The following SORL1 variants were observed in gnomAD, a reference collection of about 807,000 sequenced individuals.
The protein encoded by SORL1 is sortilin-related receptor.
SORL1 carries 127 observed loss-of-function variants against 273.7 expected under a neutral mutation model. The ratio of observed to expected loss-of-function variants is 0.46; its 90% CI spans 0.40 to 0.54. The LOEUF is 0.54. Among genes scored for constraint, SORL1 ranks in the 20% least tolerant of loss-of-function variants. The pLI, the probability that SORL1 is intolerant of heterozygous loss-of-function variation, is 0.00. For missense variants in SORL1, 2,494 were observed against 2,846.1 expected (o/e 0.88, Z 2.81); for synonymous variants, 1,031 against 1,067.4 (o/e 0.97, Z 0.66).
intron 1 of SORL1, among the ~76,000 whole-genome samples, chr11:121,468,779 T>C (rs1005051735): frequency 6.6e-6 from 1 of 152,174 alleles, no homozygotes; most frequent in South Asian, 2.1e-4. Context: ...GTGGGTGGAA[T>C]GTATGGTTCA....
intron 14 of SORL1, among the ~76,000 whole-genome samples, chr11:121,546,316 C>G (rs1862425820): frequency 6.6e-6 from 1 of 150,474 alleles, no homozygotes; most frequent in African/African-American, 2.4e-5. Flanking sequence ...ATGATGAGAA[C>G]AGAGCTTAGC....
Position 121,620,620 on chromosome 11 carries a change from C to A in SORL1, c.5890-444C>A, listed in dbSNP as rs1024515918. Reference sequence around the variant, plus strand: ...ATGCCCTGTTATTTTCCCCTTGCCCCCCTATACCCAGAAGCAGCCTGGGAG... The same window carrying A: ...ATGCCCTGTTATTTTCCCCTTGCCCACCTATACCCAGAAGCAGCCTGGGAG... On this transcript the variant is annotated intron_variant, in intron 43 of 47. Transcript: ENST00000260197. Among the ~76,000 whole-genome samples the A allele has an allele frequency of 4.4e-4, 67 of 152,148 alleles. 1 individual carries two copies.
At chr11:121,495,573 T>G (rs1013314409) in intron 5 of SORL1, among the ~76,000 whole-genome samples, 1 of 152,198 alleles carries the variant, frequency 6.6e-6, no homozygotes, top group African/African-American at 2.4e-5. Flanking sequence ...TGCTTTTCCT[T>G]GAGTCATCAC....
rs1020795529 is a variant in SORL1 at position 121,563,752 on chromosome 11, T to G, written c.3050-3188T>G. ...ATTTATTCTTTGTAAAGTGTGTTTT[T>G]TCTTTAAAGAGGTTACTTTACAAGA... On this transcript the variant is annotated intron_variant, in intron 21 of 47. Transcript: ENST00000260197. This position sits in a 1 kb window ranked among gnomAD's most constrained non-coding sequence, Gnocchi z 4.2. Among the ~76,000 whole-genome samples, 2 of 152,222 alleles carry G rather than the reference T, an allele frequency of 1.3e-5. No individual in the cohort carries two copies. The highest frequency in any genetic ancestry group is 2.9e-5 in the Non-Finnish European group (2 of 68,040).
In SORL1 at chr11:121,619,931, G is replaced by A; in HGVS notation, c.5889+14G>A. 1 of 1,609,292 alleles carries A rather than the reference G, an allele frequency of 6.2e-7. No homozygotes were observed. The highest frequency in any genetic ancestry group is 1.1e-5 in the South Asian group (1 of 90,908). Reference sequence around the variant, plus strand: ...GACCAGGACTTGGTGAGTGGGTTGGGCTTCCAGGCCTCTTTGTTTATTCCT... The same window carrying A: ...GACCAGGACTTGGTGAGTGGGTTGGACTTCCAGGCCTCTTTGTTTATTCCT... On this transcript the variant is annotated intron_variant, in intron 43 of 47. Transcript: ENST00000260197.
chr11:121,591,663 G>A (rs929684658), intron 31 of SORL1, among the ~76,000 whole-genome samples: 2 of 152,200 alleles, frequency 1.3e-5, no homozygotes, highest in African/African-American at 4.8e-5. Flanking sequence ...AGGTGGGGTA[G>A]AACTTGAAAT....
At chr11:121,625,650 A>G (rs572945963) in intron 46 of SORL1, among the ~76,000 whole-genome samples, 3 of 152,220 alleles carry the variant, frequency 2.0e-5, no homozygotes, top group East Asian at 1.9e-4. Context: ...TCTCCTTGTC[A>G]TGGATTTTAC....
rs200338086 is a variant in SORL1, at chr11:121,583,476, A to G, written c.3599A>G (p.Glu1200Gly). 1 of 1,612,888 alleles carries G rather than the reference A, an allele frequency of 6.2e-7. No individual in the cohort carries two copies. Among genetic ancestry groups the G allele is most frequent in the African/African-American group, 1.3e-5 (1 of 74,960 alleles). ...ANCTAIYHTC[E>G]ASNFQCRNGH... ...GTTACAGCCATCTATCACACCTGTG[A>G]GGCCTCCAACTTCCAGTGCCGAAAC... Residue 1200 changes from glutamate to glycine, a missense_variant, in exon 26 of 48, where the codon GAG becomes GGG. Transcript: ENST00000260197.
chr11:121,605,379 ATCTT>A lies in SORL1; in HGVS notation c.4779-21_4779-18del, dbSNP rs1863453586. 1 of 1,603,662 alleles carries A rather than the reference ATCTT, an allele frequency of 6.2e-7. No individual in the cohort carries two copies. Among genetic ancestry groups the A allele is most frequent in the South Asian group, 1.1e-5 (1 of 90,408 alleles). ...CCCCATGCTGCTCCAGTGTGACAATATCTTTATTTTTTTTTGGGCCAGGGTGGTT... is the reference window on the plus strand; with the variant it reads ...CCCCATGCTGCTCCAGTGTGACAATATATTTTTTTTTGGGCCAGGGTGGTT... On this transcript the variant is annotated intron_variant, in intron 34 of 47. Coordinates refer to ENST00000260197, the MANE Select transcript of SORL1 (RefSeq NM_003105.6).
intron 1 of SORL1, among the ~76,000 whole-genome samples, chr11:121,466,461 T>C (rs553923666): frequency 6.6e-6 from 1 of 152,248 alleles, no homozygotes; most frequent in East Asian, 1.9e-4. Flanking sequence ...TTGTTCTTGA[T>C]TGCTGGGGTC....
intron 36 of SORL1, 60 bp downstream of exon 36, chr11:121,607,017 A>G (rs1863487120): frequency 1.5e-6 from 2 of 1,295,152 alleles, no homozygotes; most frequent in African/African-American, 1.5e-5. Context: ...ATTTCTGGGT[A>G]TTCTGTATGA....
rs1249242351 is a variant in SORL1, at chr11:121,490,106, T to G, written c.754T>G (p.Ser252Ala). The change falls in exon 5 of 48, where the codon TCT becomes GCT. Residue 252 changes from serine to alanine, a missense_variant. Ser to Ala is a moderately conservative substitution (Grantham distance 99). Around this residue, in one of 3 missense-constraint regions of SORL1, gnomAD observed 710 missense variants for 882.5 expected, o/e 0.80. Transcript: ENST00000260197. ...IMIQEHVKSF[S>A]WGIDPYDKPN... ...GATTCAGGAACATGTCAAGTCCTTT[T>G]CTTGGTAAGTTGTGTCATCTAAGAA... 2 of 1,612,244 alleles carry G rather than the reference T, an allele frequency of 1.2e-6. No individual in the cohort carries two copies. Among genetic ancestry groups the G allele is most frequent in the Non-Finnish European group, 1.7e-6 (2 of 1,178,236 alleles).
intron 24 of SORL1, among the ~76,000 whole-genome samples, chr11:121,575,348 A>G (rs1246190316): frequency 6.6e-6 from 1 of 152,246 alleles, no homozygotes; most frequent in African/African-American, 2.4e-5. Flanking sequence ...ACATTATGCA[A>G]TCAGCATGGT....
In SORL1 at chr11:121,629,545, C is replaced by A. The variant is rs763410154; in HGVS notation, c.6627C>A (p.Val2209=). 1.7e-5 allele frequency: 27 copies of A among 1,565,112 alleles called. No homozygotes were observed. In the Admixed American group the frequency reaches 4.5e-4, roughly 26 times the overall value. ...APMITGFSDD[V]PMVIA ...TGATAACTGGATTTTCAGATGACGT[C>A]CCCATGGTGATAGCCTGAAAGAGCT... is the stretch of plus-strand genomic sequence containing the variant. The change falls in exon 48 of 48, where the codon GTC becomes GTA. Residue 2209 remains valine (V), a synonymous_variant. Coordinates refer to ENST00000260197, the MANE Select transcript of SORL1 (RefSeq NM_003105.6).
chr11:121,573,950 G>A (rs1398723552), intron 23 of SORL1, among the ~76,000 whole-genome samples: 1 of 152,148 alleles, frequency 6.6e-6, no homozygotes, highest in Non-Finnish European at 1.5e-5. Context: ...AGGGATCTTA[G>A]GAGGTCACCT....
chr11:121,482,856 C>T lies in SORL1; in HGVS notation c.528+4613C>T, dbSNP rs147626160. On this transcript the variant is annotated intron_variant, in intron 3 of 47. Transcript: ENST00000260197. ...TGGAAGGGGAGAGAAGGTGCTAGCG[C>T]GGCATCCAGTTCCAGTCCGAAGGCT... Among the ~76,000 whole-genome samples, 512 of 152,332 alleles carry T rather than the reference C, an allele frequency of 3.4e-3. 4 individuals carry two copies. Among genetic ancestry groups the T allele is most frequent in the Middle Eastern group, 0.01 (3 of 294 alleles).
At chr11:121,561,703 A>AT (rs1862678915) in intron 21 of SORL1, among the ~76,000 whole-genome samples, 1 of 150,858 alleles carries the variant, frequency 6.6e-6, no homozygotes, top group African/African-American at 2.4e-5. Flanking sequence ...AAAAAAAAAA[A>AT]AAAAGGCTGG....
At position 121,558,823 on chromosome 11, in the gene SORL1, A is replaced by G. The variant is rs1298358628; in HGVS notation, c.2896A>G (p.Ile966Val). ...GGACAACCTCCCGCACCCCTATGCC[A>G]TTGCTGTCTTTAAGGTGAGTCCATT... ...ILDNLPHPYA[I>V]AVFKNEIYWD... is the part of the protein sequence containing the mutation. The change falls in exon 20 of 48, where the codon ATT (isoleucine) becomes GTT (valine). Residue 966 changes from isoleucine (I) to valine (V), a missense_variant. Ile to Val is a conservative substitution (Grantham distance 29, BLOSUM62 3). Coordinates refer to ENST00000260197, the MANE Select transcript of SORL1 (RefSeq NM_003105.6). 6.2e-7 allele frequency: 1 copy of G among 1,613,914 alleles called. No individual in the cohort carries two copies. The highest frequency in any genetic ancestry group is 8.5e-7 in the Non-Finnish European group (1 of 1,180,002).
chr11:121,454,099 C>A (rs1243833827), intron 1 of SORL1, among the ~76,000 whole-genome samples: 1 of 152,242 alleles, frequency 6.6e-6, no homozygotes, highest in Non-Finnish European at 1.5e-5. Flanking sequence ...GTCCCCACCC[C>A]ATATGACAAA....
Sources: allele counts gnomAD v4.1 joint callset (sites outside exome capture counted in the v4.1 genomes callset), GRCh38; gene constraint gnomAD v4.1.1; regional missense constraint gnomAD v4.1.1; non-coding constraint Gnocchi (gnomAD v3.1); transcripts MANE v1.5; gene names NCBI Gene and HGNC (gene_info 2026-07-23, HGNC 2026-07-21).